Variants in PCDH11X observed in about 807,000 individuals in gnomAD.
PCDH11X encodes protocadherin-11 X-linked.
PCDH11X carries 18 observed loss-of-function variants against 53.3 expected under a neutral mutation model. The observed-to-expected ratio is 0.34, with a 90% CI of 0.23 to 0.50. PCDH11X has a LOEUF of 0.50. Among genes scored for constraint, PCDH11X ranks in the 20% least tolerant of loss-of-function variants. The probability of loss-of-function intolerance (pLI) is 0.98; values close to 1 mark genes in which losing one functional copy is unlikely to be tolerated. For missense variants in PCDH11X, 570 were observed against 1,032.4 expected (o/e 0.55, Z 6.14); for synonymous variants, 279 against 393.3 (o/e 0.71, Z 3.44).
intron 10 of PCDH11X, among the ~76,000 whole-genome samples, chrX:92,526,406 A>C (rs1351281106): frequency 9.4e-6 from 1 of 106,882 alleles, no homozygotes; most frequent in Non-Finnish European, 1.9e-5. Context: ...CATAACCAGA[A>C]TATATAAGGA....
Position 92,018,527 on chromosome X carries a change from A to G in PCDH11X, c.3033+139254A>G, listed in dbSNP as rs186539984. 3.8e-3 allele frequency among the ~76,000 whole-genome samples: 425 copies of G among 112,183 alleles called. 1 individual carries two copies. The highest frequency in any genetic ancestry group is 0.013 in the African/African-American group (405 of 30,953). On this transcript the variant is annotated intron_variant, in intron 6 of 10. Coordinates refer to ENST00000682573, the MANE Select transcript of PCDH11X (RefSeq NM_032968.5). ...AAAGTGGTCTGAACAATGGTAGCCC[A>G]CTTGTGAGTAATGAATACAGCCTCT...
intron 6 of PCDH11X, among the ~76,000 whole-genome samples, chrX:92,018,749 TAC>T (rs1430069486): frequency 1.8e-5 from 2 of 112,513 alleles, no homozygotes; most frequent in Non-Finnish European, 3.8e-5. Context: ...TTTGCATGTG[TAC>T]ACACACACAT....
intron 6 of PCDH11X, among the ~76,000 whole-genome samples, chrX:91,954,779 C>A (rs138688424): frequency 6.4e-5 from 7 of 109,929 alleles, no homozygotes; most frequent in Non-Finnish European, 1.1e-4. Flanking sequence ...TGTCTGTTAA[C>A]GTCCTTTGCT....
At chrX:92,344,083 A>C (rs1167707485) in intron 8 of PCDH11X, among the ~76,000 whole-genome samples, 1 of 108,360 alleles carries the variant, frequency 9.2e-6, no homozygotes. Flanking sequence ...TATGAAGCTA[A>C]TGAATGATGA....
chrX:92,182,122 A>G (rs1462644982), intron 6 of PCDH11X, among the ~76,000 whole-genome samples: 1 of 112,247 alleles, frequency 8.9e-6, no homozygotes, highest in African/African-American at 3.2e-5. Context: ...GCTGCACAAG[A>G]CCATGGGAAC....
chrX:92,085,136 G>T (rs1347692629), intron 6 of PCDH11X, among the ~76,000 whole-genome samples: 1 of 110,870 alleles, frequency 9.0e-6, no homozygotes, highest in Non-Finnish European at 1.9e-5. Context: ...CACCTGATTG[G>T]CTAGAGCTAG....
intron 9 of PCDH11X, among the ~76,000 whole-genome samples, chrX:92,404,972 GA>G (rs1400032128): frequency 2.9e-4 from 26 of 89,325 alleles, no homozygotes; most frequent in African/African-American, 1.1e-3. Context: ...TGTTGTGTCT[GA>G]GCAATTTTCA....
intron 8 of PCDH11X, among the ~76,000 whole-genome samples, chrX:92,280,873 C>T (rs1223816343): frequency 1.8e-5 from 2 of 110,638 alleles, no homozygotes; most frequent in African/African-American, 3.3e-5. Flanking sequence ...GACATCTAGT[C>T]TAATATCAAT....
intron 6 of PCDH11X, among the ~76,000 whole-genome samples, chrX:91,903,656 CGTGTGTGTGT>C (rs61017416): frequency 3.2e-5 from 3 of 93,943 alleles, no homozygotes; most frequent in East Asian, 3.4e-4. Flanking sequence ...CCTCTATGTG[CGTGTGTGTGT>C]GTGTGTGTGT....
chrX:92,279,567 T>C (rs2068200491), intron 8 of PCDH11X, among the ~76,000 whole-genome samples: 1 of 112,678 alleles, frequency 8.9e-6, no homozygotes. Flanking sequence ...TTTGTATCAT[T>C]GTTATTGACA....
chrX:91,820,887 A>G (rs1290537168), intron 4 of PCDH11X, among the ~76,000 whole-genome samples: 2 of 106,267 alleles, frequency 1.9e-5, no homozygotes, highest in Admixed American at 9.8e-5. Context: ...AGCTTTCTAC[A>G]TATGGCTAGC....
At chrX:92,145,759 AGGTTT>A (rs2065257612) in intron 6 of PCDH11X, among the ~76,000 whole-genome samples, 2 of 107,053 alleles carry the variant, frequency 1.9e-5, no homozygotes, top group African/African-American at 6.8e-5. Context: ...GAAACATGAA[AGGTTT>A]AATTTTGTAT....
intron 6 of PCDH11X, among the ~76,000 whole-genome samples, chrX:92,107,472 C>T (rs928368653): frequency 1.8e-5 from 2 of 112,215 alleles, no homozygotes; most frequent in African/African-American, 3.2e-5. Flanking sequence ...TGTGGTGGCT[C>T]ACGCCTGTAA....
At chrX:92,422,949 C>T (rs1359075023) in intron 9 of PCDH11X, among the ~76,000 whole-genome samples, 12 of 108,530 alleles carry the variant, frequency 1.1e-4, no homozygotes, top group African/African-American at 4.0e-4. Flanking sequence ...CCCAGGTTCA[C>T]GCCATTCTCC....
Position 92,620,251 on chromosome X carries a change from A to ATTC in PCDH11X, c.*1316_*1318dup, listed in dbSNP as rs1313601259. 1.8e-5 allele frequency: 2 copies of ATTC among 111,201 alleles called. No homozygotes were observed. Among genetic ancestry groups the ATTC allele is most frequent in the African/African-American group, 6.5e-5 (2 of 30,636 alleles). The allele number at this position is 111,201 out of a possible 1,213,427, so 9.2% of individuals were successfully genotyped here. A position where few individuals can be genotyped will look rare whatever the true frequency, so the allele number is the denominator to read the frequency against. On this transcript the variant is annotated 3_prime_UTR_variant, in exon 11 of 11. Coordinates refer to ENST00000682573, the MANE Select transcript of PCDH11X (RefSeq NM_032968.5). Reference sequence around the variant, plus strand: ...AAATCTCATATATGAAATAAAATATATTCTTCTAAGCAAAGAAACAGTACT... The same window carrying ATTC: ...AAATCTCATATATGAAATAAAATATATTCTTCTTCTAAGCAAAGAAACAGTACT...
chrX:92,389,524 A>T (rs1011930154), intron 9 of PCDH11X, among the ~76,000 whole-genome samples: 2 of 111,233 alleles, frequency 1.8e-5, no homozygotes, highest in African/African-American at 6.5e-5. Context: ...TCTTTCATAG[A>T]GGATTGCATA....
intron 6 of PCDH11X, among the ~76,000 whole-genome samples, chrX:92,075,682 T>C (rs1249710160): frequency 9.8e-5 from 11 of 112,032 alleles, no homozygotes; most frequent in African/African-American, 3.6e-4. Context: ...TATTTCAGAA[T>C]CATTCTGCTT....
chrX:92,279,932 A>G (rs1393712934), intron 8 of PCDH11X, among the ~76,000 whole-genome samples: 1 of 112,257 alleles, frequency 8.9e-6, no homozygotes, highest in African/African-American at 3.2e-5. Context: ...TGGACCACAT[A>G]TACAATGGGT....
intron 7 of PCDH11X, among the ~76,000 whole-genome samples, chrX:92,252,168 A>G (rs2067473450): frequency 9.0e-6 from 1 of 111,376 alleles, no homozygotes; most frequent in Non-Finnish European, 1.9e-5. Context: ...GTTCTGAAAT[A>G]GAATGTCTAC....
Sources: allele counts gnomAD v4.1 joint callset (sites outside exome capture counted in the v4.1 genomes callset), GRCh38; gene constraint gnomAD v4.1.1; transcripts MANE v1.5; gene names NCBI Gene and HGNC (gene_info 2026-07-23, HGNC 2026-07-21).